Variants in TXLNB observed in about 807,000 individuals in gnomAD.
TXLNB encodes beta-taxilin.
Under a neutral mutation model 57.4 loss-of-function variants are expected in TXLNB, and 37 were observed. That is an observed-to-expected ratio of 0.64 (90% CI 0.50 to 0.85). The LOEUF (loss-of-function observed/expected upper bound fraction) is 0.85, where lower values mean the gene tolerates loss of function less well. TXLNB is among the 40% of genes least tolerant of loss of function. TXLNB has a pLI of 0.00. For synonymous variants in TXLNB, 302 were observed against 309.6 expected (o/e 0.98, Z 0.26); for missense variants, 848 against 825.6 (o/e 1.03, Z -0.33).
chr6:139,261,901 CTTTTTTTTT>C (rs759412856), intron 5 of TXLNB, among the ~76,000 whole-genome samples: 2 of 117,898 alleles, frequency 1.7e-5, no homozygotes, highest in African/African-American at 7.1e-5. Flanking sequence ...AATACAGACT[CTTTTTTTTT>C]TTTTTTTTTT....
the TXLNB span, among the ~76,000 whole-genome samples, chr6:139,228,397 G>C: frequency 6.6e-6 from 1 of 151,854 alleles, no homozygotes; most frequent in Non-Finnish European, 1.5e-5. Flanking sequence ...ATGGTGGTGG[G>C]CATCTGTAAT....
the TXLNB span, chr6:139,167,224 G>T: frequency 6.2e-7 from 1 of 1,614,146 alleles, no homozygotes; most frequent in East Asian, 2.2e-5. Context: ...GCCACCGGGC[G>T]CTCCCGGTGT....
At chr6:139,284,542 A>T (rs1777128729) in intron 2 of TXLNB, among the ~76,000 whole-genome samples, 1 of 145,244 alleles carries the variant, frequency 6.9e-6, no homozygotes, top group South Asian at 2.3e-4. Flanking sequence ...AAAAAAGTAA[A>T]TAAATAAAAA....
chr6:139,319,052 C>T, the TXLNB span, among the ~76,000 whole-genome samples: 5,299 of 150,346 alleles, frequency 0.035, 311 homozygotes, highest in African/African-American at 0.12. Flanking sequence ...AAGAGATTCT[C>T]CTGCCTCAGC....
At chr6:139,207,534 A>T in the TXLNB span, among the ~76,000 whole-genome samples, 1 of 152,200 alleles carries the variant, frequency 6.6e-6, no homozygotes, top group Non-Finnish European at 1.5e-5. Flanking sequence ...AAAAGTCTGA[A>T]AGAGCGCAAA....
upstream of TXLNB, among the ~76,000 whole-genome samples, chr6:139,296,045 C>T (rs984775909): frequency 1.3e-5 from 2 of 152,318 alleles, no homozygotes; most frequent in South Asian, 4.1e-4. Context: ...CCCCCCCCTC[C>T]TCCAGCCTGG....
At chr6:139,187,033 A>G in the TXLNB span, among the ~76,000 whole-genome samples, 1 of 152,136 alleles carries the variant, frequency 6.6e-6, no homozygotes, top group Non-Finnish European at 1.5e-5. Flanking sequence ...CACTGTCTTG[A>G]TTGTAGTGAT....
chr6:139,297,435 G>C, the TXLNB span, among the ~76,000 whole-genome samples: 2 of 152,162 alleles, frequency 1.3e-5, no homozygotes, highest in Admixed American at 6.5e-5. Context: ...GTCTGGAAAG[G>C]GGGCAGGGGT....
the TXLNB span, among the ~76,000 whole-genome samples, chr6:139,200,499 A>G: frequency 1.2e-4 from 18 of 152,290 alleles, no homozygotes; most frequent in Non-Finnish European, 2.4e-4. Context: ...GGGAAAAACA[A>G]TGAAGATTTA....
At chr6:139,293,540 C>T (rs1187641681), upstream of TXLNB, among the ~76,000 whole-genome samples, 2 of 150,562 alleles carry the variant, frequency 1.3e-5, no homozygotes, top group Admixed American at 1.3e-4. Flanking sequence ...GGGATGCAAT[C>T]CTGCGACATT....
chr6:139,254,025 C>T (rs1776274742), intron 7 of TXLNB, among the ~76,000 whole-genome samples: 1 of 152,106 alleles, frequency 6.6e-6, no homozygotes, highest in Non-Finnish European at 1.5e-5. Context: ...TGATGAGTTC[C>T]GTGACTGCCT....
At chr6:139,255,490 C>T (rs1334024403) in intron 7 of TXLNB, 74 bp downstream of exon 7, 4 of 1,297,352 alleles carry the variant, frequency 3.1e-6, no homozygotes, top group Non-Finnish European at 4.5e-6. Flanking sequence ...CTTCTGCTGC[C>T]CACCTTTGGC....
chr6:139,167,423 GTT>G, the TXLNB span: 7 of 1,045,492 alleles, frequency 6.7e-6, no homozygotes, highest in African/African-American at 1.1e-4. Flanking sequence ...CACCAGTGTT[GTT>G]TTTTTGTTCT....
intron 4 of TXLNB, among the ~76,000 whole-genome samples, chr6:139,264,199 C>T (rs1231802957): frequency 2.6e-5 from 4 of 152,146 alleles, no homozygotes; most frequent in Admixed American, 2.0e-4. Flanking sequence ...TATACTAACA[C>T]TTACTATATG....
chr6:139,278,961 A>G (rs1776974872), intron 2 of TXLNB, among the ~76,000 whole-genome samples: 1 of 152,204 alleles, frequency 6.6e-6, no homozygotes, highest in Non-Finnish European at 1.5e-5. Context: ...CTGAGATTGC[A>G]CCACTGCACT....
At chr6:139,204,087 G>A in the TXLNB span, among the ~76,000 whole-genome samples, 736 of 150,546 alleles carry the variant, frequency 4.9e-3, 5 homozygotes, top group Admixed American at 0.011. Context: ...GTCTTGCTCT[G>A]TCACCCAGGC....
the TXLNB span, among the ~76,000 whole-genome samples, chr6:139,224,956 A>G: frequency 1.3e-5 from 2 of 152,184 alleles, no homozygotes; most frequent in Non-Finnish European, 2.9e-5. Context: ...ATACTAGCAA[A>G]CCAAATCCAG....
intron 3 of TXLNB, chr6:139,271,658 G>C (rs922532784): frequency 2.6e-5 from 4 of 152,180 alleles, no homozygotes; most frequent in Non-Finnish European, 5.9e-5. Flanking sequence ...ACATCTGGCA[G>C]CATTATTATG....
the TXLNB span, among the ~76,000 whole-genome samples, chr6:139,173,211 C>T: frequency 6.6e-6 from 1 of 152,196 alleles, no homozygotes; most frequent in Non-Finnish European, 1.5e-5. Context: ...GTCATCCTTC[C>T]CCCTTTTGGC....
Sources: allele counts gnomAD v4.1 joint callset (sites outside exome capture counted in the v4.1 genomes callset), GRCh38; gene constraint gnomAD v4.1.1; transcripts MANE v1.5; gene names NCBI Gene and HGNC (gene_info 2026-07-23, HGNC 2026-07-21).